Variants in RBM28 observed in about 807,000 individuals in gnomAD.
The protein encoded by RBM28 is RNA-binding protein 28.
In RBM28, 78 loss-of-function variants were observed where a neutral mutation model predicts 98.3. The ratio of observed to expected loss-of-function variants is 0.79; its 90% CI spans 0.66 to 0.96. The LOEUF is 0.96. Ranked by LOEUF, RBM28 falls within the 40% of genes least tolerant of loss-of-function variation. The probability of loss-of-function intolerance (pLI) is 0.00; values close to 1 mark genes in which losing one functional copy is unlikely to be tolerated. For missense variants in RBM28, 838 were observed against 913.0 expected, an observed-to-expected ratio of 0.92 and a Z score of 1.06; for synonymous variants, 306 against 330.9, an observed-to-expected ratio of 0.92 and a Z score of 0.82.
At chr7:128,329,002 G>C (rs1338330472) in intron 10 of RBM28, among the ~76,000 whole-genome samples, 1 of 150,096 alleles carries the variant, frequency 6.7e-6, no homozygotes, top group Non-Finnish European at 1.5e-5. Flanking sequence ...TCACAGTCTC[G>C]AGTGCAGTGG....
Position 128,324,572 on chromosome 7 carries a change from C to G in RBM28, c.1326G>C (p.Leu442=), listed in dbSNP as rs1466277086. 1 of 1,614,168 alleles carries G rather than the reference C, an allele frequency of 6.2e-7. No homozygotes were observed. Among genetic ancestry groups the G allele is most frequent in the East Asian group, 2.2e-5 (1 of 44,884 alleles). ...KKPTGTRNLY[L]AREGLIRAGT... The stretch of plus-strand genomic sequence containing the variant: ...CTCCCTACTCACAGCCTTCTCGGGC[C>G]AGATAGAGATTCCGGGTGCCAGTCG... The change falls in exon 12 of 19, where the codon CTG becomes CTC. Residue 442 remains leucine (L), a synonymous_variant. Transcript: ENST00000223073.
intron 14 of RBM28, among the ~76,000 whole-genome samples, chr7:128,320,262 A>C (rs1796198411): frequency 9.7e-6 from 1 of 102,762 alleles, no homozygotes; most frequent in South Asian, 3.6e-4. Context: ...TTAGCCAGGC[A>C]TGGTGGTGTG....
In RBM28 at chr7:128,313,188, A is replaced by C; in HGVS notation, c.2132T>G (p.Leu711Ter). The change falls in exon 18 of 19, where the codon TTA (leucine) becomes TGA (stop). Residue 711 changes from leucine (L) to a stop codon, truncating the protein, a stop_gained. Coordinates refer to ENST00000223073, the MANE Select transcript of RBM28 (RefSeq NM_018077.3). LOFTEE classifies it high-confidence loss of function. Reference protein sequence around the residue: ...INQWKQEKQQLSSEQVSRKKA... With the variant: ...INQWKQEKQQ ...TGCAGAACTCACCTGCTCGGACGAT[A>C]ATTGCTGCTTCTCCTGCTTCCACTG... 1 of 1,613,932 alleles carries C rather than the reference A, an allele frequency of 6.2e-7. No homozygotes were observed. The highest frequency in any genetic ancestry group is 2.2e-5 in the East Asian group (1 of 44,888).
Position 128,313,259 on chromosome 7 carries a change from G to T in RBM28, c.2061C>A (p.Gly687=). 1 of 1,614,072 alleles carries T rather than the reference G, an allele frequency of 6.2e-7. No homozygotes were observed. The highest frequency in any genetic ancestry group is 8.5e-7 in the Non-Finnish European group (1 of 1,179,982). ...RGPKIRLRDK[G]KVKPVHPKKP... ...TTTTGGGATGGACGGGCTTCACTTT[G>T]CCTTTGTCCCGCAACCTGAAATAAC... Residue 687 remains glycine, a synonymous_variant, in exon 18 of 19, where the codon GGC becomes GGA. Transcript: ENST00000223073.
chr7:128,314,533 AGAG>A (rs1464038654), intron 17 of RBM28, among the ~76,000 whole-genome samples: 1 of 152,248 alleles, frequency 6.6e-6, no homozygotes, highest in Admixed American at 6.5e-5. Context: ...GCTCTTCAAA[AGAG>A]GAGAAAAGGG....
intron 14 of RBM28, among the ~76,000 whole-genome samples, chr7:128,318,383 A>G (rs1254165405): frequency 2.0e-5 from 3 of 151,522 alleles, no homozygotes; most frequent in African/African-American, 7.3e-5. Context: ...CTGAAGCAGG[A>G]GGATCACCTG....
intron 10 of RBM28, among the ~76,000 whole-genome samples, chr7:128,329,516 C>G (rs1038506853): frequency 5.9e-5 from 9 of 152,146 alleles, no homozygotes; most frequent in Admixed American, 4.6e-4. Context: ...CTCAAGAGAG[C>G]CCACACAGCC....
intron 14 of RBM28, among the ~76,000 whole-genome samples, chr7:128,319,974 T>C (rs1796187248): frequency 6.6e-6 from 1 of 151,998 alleles, no homozygotes; most frequent in African/African-American, 2.4e-5. Context: ...TCCCAGCACT[T>C]TGGGAGGCCG....
chr7:128,320,484 T>C (rs118071795), intron 14 of RBM28, among the ~76,000 whole-genome samples: 1,680 of 152,136 alleles, frequency 0.011, 16 homozygotes, highest in Non-Finnish European at 0.017. Flanking sequence ...GCAGAAAAGT[T>C]CTGTACTCAC....
At chr7:128,319,128 T>C (rs1268700885) in intron 14 of RBM28, among the ~76,000 whole-genome samples, 1 of 152,184 alleles carries the variant, frequency 6.6e-6, no homozygotes, top group Non-Finnish European at 1.5e-5. Flanking sequence ...GTCGTTCTCA[T>C]GTAATGGAAA....
At position 128,313,346 on chromosome 7, in the gene RBM28, C is replaced by T. The variant is rs756070324; in HGVS notation, c.2046-72G>A. ...GACACCCCTAGGTTCTCTTTGTACA[C>T]TGGCCCTTCCCAAGCCCATGATAAG... is the stretch of plus-strand genomic sequence containing the variant. On this transcript the variant is annotated intron_variant, in intron 17 of 18. Transcript: ENST00000223073. 1.7e-5 allele frequency: 23 copies of T among 1,393,248 alleles called. No individual in the cohort carries two copies. The South Asian group carries it at 2.0e-4, about 12-fold the overall frequency. The allele number at this position is 1,393,248 out of a possible 1,614,324, so 86.3% of individuals were successfully genotyped here.
Position 128,313,237 on chromosome 7 carries a change from T to G in RBM28, c.2083A>C (p.Lys695Gln), listed in dbSNP as rs1796025834. Residue 695 changes from lysine to glutamine, a missense_variant, in exon 18 of 19, where the codon AAA becomes CAA. Coordinates refer to ENST00000223073, the MANE Select transcript of RBM28 (RefSeq NM_018077.3). Reference sequence around the variant, plus strand: ...TGGTTTATCTGTGGCTTTGGCTTTTTGGGATGGACGGGCTTCACTTTGCCT... The same window carrying G: ...TGGTTTATCTGTGGCTTTGGCTTTTGGGGATGGACGGGCTTCACTTTGCCT... ...DKGKVKPVHP[K>Q]KPKPQINQWK... 2 of 1,614,220 alleles carry G rather than the reference T, an allele frequency of 1.2e-6. No individual in the cohort carries two copies. The highest frequency in any genetic ancestry group is 1.7e-6 in the Non-Finnish European group (2 of 1,180,038).
intron 10 of RBM28, among the ~76,000 whole-genome samples, chr7:128,327,686 G>C (rs1420075336): frequency 2.6e-5 from 4 of 152,022 alleles, no homozygotes; most frequent in African/African-American, 9.7e-5. Context: ...TTTTAGTAGA[G>C]ACAGGGTTTC....
In RBM28 at chr7:128,309,975, A is replaced by C. The variant is rs1389865117; in HGVS notation, c.*822T>G. 1 of 152,188 alleles carries C rather than the reference A, an allele frequency of 6.6e-6. No individual in the cohort carries two copies. The highest frequency in any genetic ancestry group is 1.5e-5 in the Non-Finnish European group (1 of 68,042). 9.4% of individuals were successfully genotyped at this position (152,188 alleles called of 1,614,324 possible). ...TTATAGGAAGACAAGATTTCAATCAAAGTGAGATGTCAAACCCCTGGAGTT... is the reference window on the plus strand; with the variant it reads ...TTATAGGAAGACAAGATTTCAATCACAGTGAGATGTCAAACCCCTGGAGTT... On this transcript the variant is annotated 3_prime_UTR_variant, in exon 19 of 19. Coordinates refer to ENST00000223073, the MANE Select transcript of RBM28 (RefSeq NM_018077.3).
chr7:128,329,259 C>A (rs1796420258), intron 10 of RBM28, among the ~76,000 whole-genome samples: 1 of 152,168 alleles, frequency 6.6e-6, no homozygotes, highest in Admixed American at 6.5e-5. Context: ...GCCACCACGC[C>A]CGGCTAATTT....
intron 18 of RBM28, among the ~76,000 whole-genome samples, chr7:128,312,880 A>G (rs1325271472): frequency 6.6e-6 from 1 of 152,232 alleles, no homozygotes; most frequent in Non-Finnish European, 1.5e-5. Flanking sequence ...TTTTCATATG[A>G]GACGCATTTA....
At chr7:128,338,034 A>T (rs914714571) in intron 5 of RBM28, among the ~76,000 whole-genome samples, 1 of 152,160 alleles carries the variant, frequency 6.6e-6, no homozygotes, top group African/African-American at 2.4e-5. Flanking sequence ...TTAAAAGGAC[A>T]CTCTCACCAG....
Position 128,338,249 on chromosome 7 carries a change from C to A in RBM28, c.541+1G>T. 1.2e-6 allele frequency: 2 copies of A among 1,612,298 alleles called. No individual in the cohort carries two copies. Among genetic ancestry groups the A allele is most frequent in the Non-Finnish European group, 1.7e-6 (2 of 1,178,366 alleles). ...CAATGATATGGGTATAGAAAGCTTA[C>A]CTTTTATCTCTTTCATGTTCATGCC... On this transcript the variant is annotated splice_donor_variant, in intron 5 of 18. Coordinates refer to ENST00000223073, the MANE Select transcript of RBM28 (RefSeq NM_018077.3). LOFTEE classifies it high-confidence loss of function.
In RBM28 at chr7:128,311,074, TAGAG is replaced by T. The variant is rs574648445; in HGVS notation, c.2146-147_2146-144del. On this transcript the variant is annotated intron_variant, in intron 18 of 18. Transcript: ENST00000223073. ...GGGTAGGTTTCTAGAGAGAGACTCT[TAGAG>T]AGAAAGGCTCAAACAGAATCATCCA... 5.2e-4 allele frequency: 433 copies of T among 826,010 alleles called. 1 individual carries two copies. In the African/African-American group the frequency reaches 6.7e-3, roughly 13 times the overall value. 51.2% of individuals were successfully genotyped at this position (826,010 alleles called of 1,614,324 possible). A position where few individuals can be genotyped will look rare whatever the true frequency, so the allele number is the denominator to read the frequency against.
Sources: gnomAD v4.1 joint callset for allele counts (sites outside exome capture counted in the v4.1 genomes callset) on GRCh38, gnomAD v4.1.1 for gene constraint, MANE v1.5 for transcripts, NCBI Gene and HGNC (gene_info 2026-07-23, HGNC 2026-07-21) for gene names.